The following GRID1 variants were observed in gnomAD, a reference collection of about 807,000 sequenced individuals.
The protein encoded by GRID1 is glutamate receptor ionotropic, delta-1.
Under a neutral mutation model 98.0 loss-of-function variants are expected in GRID1, and 28 were observed. That is an observed-to-expected ratio of 0.29 (90% confidence interval 0.21 to 0.39). The LOEUF is 0.39. Among genes scored for constraint, GRID1 ranks in the 10% least tolerant of loss-of-function variants. The pLI is 1.00. For missense variants in GRID1, 1,111 were observed against 1,340.5 expected, an observed-to-expected ratio of 0.83 and a Z score of 2.67; for synonymous variants, 553 against 538.5, an observed-to-expected ratio of 1.03 and a Z score of -0.37.
intron 4 of GRID1, among the ~76,000 whole-genome samples, chr10:86,134,360 T>C (rs1486899609): frequency 6.6e-6 from 1 of 152,162 alleles, no homozygotes; most frequent in Non-Finnish European, 1.5e-5. Context: ...GACAGATGAA[T>C]GGATGAACGG....
At chr10:85,715,450 A>T (rs1171975219) in intron 12 of GRID1, among the ~76,000 whole-genome samples, 2 of 152,196 alleles carry the variant, frequency 1.3e-5, no homozygotes, top group Admixed American at 1.3e-4. Flanking sequence ...AACTTGCAAA[A>T]TGACAGAAAA....
chr10:85,812,000 T>A (rs1842676207), intron 8 of GRID1, among the ~76,000 whole-genome samples: 1 of 152,162 alleles, frequency 6.6e-6, no homozygotes. Flanking sequence ...AGACCAACAG[T>A]AGGTTTCTCA....
chr10:85,740,971 C>T (rs1330525909), intron 8 of GRID1, among the ~76,000 whole-genome samples: 2 of 152,018 alleles, frequency 1.3e-5, no homozygotes, highest in African/African-American at 4.8e-5. Context: ...CCAGGCTGTT[C>T]TCGAACTCCT....
At chr10:86,323,739 G>A (rs137987972) in intron 2 of GRID1, among the ~76,000 whole-genome samples, 1,656 of 152,250 alleles carry the variant, frequency 0.011, 33 homozygotes, top group South Asian at 0.036. Flanking sequence ...GCACAACATC[G>A]GAATGTACTG....
intron 2 of GRID1, among the ~76,000 whole-genome samples, chr10:86,348,288 T>A (rs1473690828): frequency 6.6e-6 from 1 of 152,142 alleles, no homozygotes; most frequent in Admixed American, 6.5e-5. Flanking sequence ...CAAAGGTGCA[T>A]GTAGAAGCCA....
intron 4 of GRID1, among the ~76,000 whole-genome samples, chr10:85,931,495 C>G (rs977964531): frequency 6.6e-6 from 1 of 151,890 alleles, no homozygotes; most frequent in African/African-American, 2.4e-5. Flanking sequence ...CATTATATAC[C>G]TCTTTGCCTT....
chr10:86,181,368 G>T (rs552608075), intron 3 of GRID1, among the ~76,000 whole-genome samples: 1 of 152,330 alleles, frequency 6.6e-6, no homozygotes, highest in East Asian at 1.9e-4. Flanking sequence ...CAGAGGTGCA[G>T]AGCAATGCTG....
rs186711222 is a variant in GRID1 at position 85,708,020 on chromosome 10, G to A, written c.1997+14983C>T. ...GGAGATATACCTAATGTTAAATGAC[G>A]AGTTAATGAGTGCAGCACACCAACA... On this transcript the variant is annotated intron_variant, in intron 12 of 15. Transcript: ENST00000327946. Among the ~76,000 whole-genome samples, 775 of 151,222 alleles carry A rather than the reference G, an allele frequency of 5.1e-3. 12 individuals are homozygous for A. Among genetic ancestry groups the A allele is most frequent in the African/African-American group, 0.018 (737 of 41,218 alleles).
chr10:85,786,222 GA>G (rs1842427908), intron 8 of GRID1, among the ~76,000 whole-genome samples: 2 of 152,186 alleles, frequency 1.3e-5, no homozygotes, highest in South Asian at 4.1e-4. Context: ...TAAGTGACAC[GA>G]TATGATTTTA....
At chr10:86,278,997 C>T (rs951606604) in intron 2 of GRID1, among the ~76,000 whole-genome samples, 23 of 152,178 alleles carry the variant, frequency 1.5e-4, no homozygotes, top group Non-Finnish European at 1.5e-5. Context: ...GTGTAATGGA[C>T]TGAATGTTTG....
intron 4 of GRID1, among the ~76,000 whole-genome samples, chr10:85,970,024 T>TA (rs1237382212): frequency 1.3e-5 from 2 of 151,496 alleles, no homozygotes; most frequent in Non-Finnish European, 3.0e-5. Context: ...CTACTGACCT[T>TA]AAAAAAATAA....
intron 12 of GRID1, among the ~76,000 whole-genome samples, chr10:85,696,730 T>TA (rs1465769992): frequency 6.6e-6 from 1 of 152,040 alleles, no homozygotes; most frequent in African/African-American, 2.4e-5. Context: ...GGAAGGAAAC[T>TA]AAGAATCCTG....
chr10:86,091,655 T>A (rs1465557965), intron 4 of GRID1, among the ~76,000 whole-genome samples: 1 of 151,846 alleles, frequency 6.6e-6, no homozygotes, highest in African/African-American at 2.4e-5. Flanking sequence ...CCAGAAAGCA[T>A]CACCTCCTGG....
chr10:85,809,894 A>G lies in GRID1; in HGVS notation c.1233+44602T>C, dbSNP rs150996720. Among the ~76,000 whole-genome samples the G allele has an allele frequency of 2.1e-4, 32 of 152,272 alleles. No homozygotes were observed. The East Asian group carries it at 6.0e-3, about 29-fold the overall frequency. On this transcript the variant is annotated intron_variant, in intron 8 of 15. Transcript: ENST00000327946. ...CTATAGCCCCCCTGTAGTCTTTACT[A>G]CAGAAGAATCCCACAGTCTTCACAA...
intron 4 of GRID1, among the ~76,000 whole-genome samples, chr10:86,046,471 C>T (rs1843426124): frequency 6.6e-6 from 1 of 152,166 alleles, no homozygotes; most frequent in Admixed American, 6.5e-5. Flanking sequence ...GGCTTGCCTG[C>T]CCTATATCAA....
At chr10:85,607,710 G>C (rs1286210615) in intron 15 of GRID1, among the ~76,000 whole-genome samples, 1 of 152,174 alleles carries the variant, frequency 6.6e-6, no homozygotes, top group African/African-American at 2.4e-5. Context: ...CTAGGGGTAA[G>C]GCAGCTTGCT....
chr10:85,604,260 A>C (rs1311180322), intron 15 of GRID1, among the ~76,000 whole-genome samples: 1 of 152,164 alleles, frequency 6.6e-6, no homozygotes, highest in Non-Finnish European at 1.5e-5. Flanking sequence ...TTCTGATGAG[A>C]CACCTGCTGT....
chr10:85,772,982 C>T (rs1842288672), intron 8 of GRID1, among the ~76,000 whole-genome samples: 1 of 152,192 alleles, frequency 6.6e-6, no homozygotes, highest in Admixed American at 6.5e-5. Flanking sequence ...ATGAGGCCAG[C>T]ATCATCCTGA....
chr10:85,783,104 A>G (rs1564589311), intron 8 of GRID1, among the ~76,000 whole-genome samples: 1 of 152,210 alleles, frequency 6.6e-6, no homozygotes, highest in Non-Finnish European at 1.5e-5. Flanking sequence ...CACCATCCCC[A>G]GAGAATAAGT....
Sources: gnomAD v4.1 joint callset for allele counts (sites outside exome capture counted in the v4.1 genomes callset) on GRCh38, gnomAD v4.1.1 for gene constraint, MANE v1.5 for transcripts, NCBI Gene and HGNC (gene_info 2026-07-23, HGNC 2026-07-21) for gene names.